Variants in BCLAF3 observed in about 807,000 individuals in gnomAD.
The protein encoded by BCLAF3 is transient octamer binding factor 1.
Under a neutral mutation model 51.2 loss-of-function variants are expected in BCLAF3, and 24 were observed. The observed-to-expected ratio is 0.47, with a 90% CI of 0.34 to 0.66. The LOEUF (loss-of-function observed/expected upper bound fraction) is 0.66. BCLAF3 is among the 30% of genes least tolerant of loss of function. BCLAF3 has a pLI of 0.01. For synonymous variants in BCLAF3, 152 were observed against 176.6 expected (o/e 0.86, Z 1.10); for missense variants, 465 against 525.1 (o/e 0.89, Z 1.12).
intron 11 of BCLAF3, chrX:19,929,081 A>G (rs1451863253): frequency 1.8e-5 from 2 of 111,961 alleles, no homozygotes; most frequent in East Asian, 5.5e-4. Flanking sequence ...TGTTCTCAAT[A>G]CAAAAAAATA....
intron 1 of BCLAF3, among the ~76,000 whole-genome samples, chrX:19,984,564 C>T (rs1319674516): frequency 1.8e-5 from 2 of 111,496 alleles, no homozygotes; most frequent in Non-Finnish European, 3.8e-5. Context: ...AACAATATGT[C>T]TGATTATAAT....
At chrX:19,987,137 T>A (rs1456518300) in intron 1 of BCLAF3, among the ~76,000 whole-genome samples, 1 of 110,728 alleles carries the variant, frequency 9.0e-6, no homozygotes, top group Non-Finnish European at 1.9e-5. Context: ...GAGGGACTAT[T>A]TGCCTGGCAT....
intron 8 of BCLAF3, among the ~76,000 whole-genome samples, chrX:19,939,501 C>T (rs988994518): frequency 4.5e-4 from 50 of 111,769 alleles, no homozygotes; most frequent in Non-Finnish European, 7.5e-5. Flanking sequence ...GGCCAATAAG[C>T]ACATAGAAAG....
intron 4 of BCLAF3, among the ~76,000 whole-genome samples, chrX:19,958,052 C>T (rs1433004939): frequency 8.9e-6 from 1 of 111,752 alleles, no homozygotes; most frequent in Non-Finnish European, 1.9e-5. Flanking sequence ...ATTTGAGATG[C>T]ATTTTAGACA....
intron 11 of BCLAF3, chrX:19,917,996 C>T (rs895900057): frequency 1.0e-3 from 111 of 111,200 alleles, no homozygotes; most frequent in African/African-American, 3.0e-3. Context: ...CAAGTAATAA[C>T]GGAGCAAACA....
chrX:19,938,231 C>T (rs2070850177), intron 8 of BCLAF3, among the ~76,000 whole-genome samples: 1 of 110,555 alleles, frequency 9.0e-6, no homozygotes, highest in South Asian at 3.9e-4. Context: ...CTTCTCAGCC[C>T]CTTCCTGTGT....
chrX:19,951,785 G>A (rs1012816430), intron 7 of BCLAF3, among the ~76,000 whole-genome samples: 9 of 109,303 alleles, frequency 8.2e-5, no homozygotes, highest in Non-Finnish European at 1.5e-4. Flanking sequence ...AAAATTAGCC[G>A]GGCATGGTAG....
chrX:19,926,949 G>A (rs1388523224), intron 11 of BCLAF3, among the ~76,000 whole-genome samples: 3 of 111,534 alleles, frequency 2.7e-5, no homozygotes, highest in Admixed American at 1.9e-4. Flanking sequence ...AGATGCGGCC[G>A]GGTGCGGTGG....
At chrX:19,961,387 A>G (rs1376140728) in intron 4 of BCLAF3, among the ~76,000 whole-genome samples, 3 of 112,350 alleles carry the variant, frequency 2.7e-5, no homozygotes, top group Non-Finnish European at 1.9e-5. Flanking sequence ...GATACAAACT[A>G]GAATCTAAAA....
chrX:19,989,813 A>G (rs1430660249), intron 1 of BCLAF3, among the ~76,000 whole-genome samples: 1 of 111,440 alleles, frequency 9.0e-6, no homozygotes, highest in African/African-American at 3.3e-5. Flanking sequence ...AAATGTGTAT[A>G]AATGGCTAAA....
At chrX:19,928,149 C>T (rs1272560321) in intron 11 of BCLAF3, among the ~76,000 whole-genome samples, 2 of 109,421 alleles carry the variant, frequency 1.8e-5, no homozygotes, top group Admixed American at 2.0e-4. Flanking sequence ...TCCCAAAGTG[C>T]TGGGACTACA....
At position 19,940,289 on chromosome X, in the gene BCLAF3, T is replaced by A. The variant is rs866211826; in HGVS notation, c.1746-2757A>T. The stretch of plus-strand genomic sequence containing the variant: ...ATTTATTTATTTATTTTTTTTTTTT[T>A]ATTATACTTTAAGTTTTAGGGTACA... On this transcript the variant is annotated intron_variant, in intron 8 of 11. Coordinates refer to ENST00000379682, the MANE Select transcript of BCLAF3 (RefSeq NM_001367774.2). Among the ~76,000 whole-genome samples the A allele has an allele frequency of 3.7e-3, 385 of 103,182 alleles. 5 individuals carry two copies. Among genetic ancestry groups the A allele is most frequent in the African/African-American group, 0.014 (375 of 26,729 alleles). The allele number at this position is 103,182 out of a possible 115,157, so 89.6% of individuals were successfully genotyped here.
intron 1 of BCLAF3, among the ~76,000 whole-genome samples, chrX:19,975,252 AAAAG>A (rs1321512205): frequency 5.4e-5 from 6 of 111,413 alleles, no homozygotes; most frequent in African/African-American, 1.3e-4. Flanking sequence ...TAAAAAAAAA[AAAAG>A]AAGAAGAATA....
intron 1 of BCLAF3, among the ~76,000 whole-genome samples, chrX:19,980,269 ATAACT>A (rs2072567515): frequency 8.9e-6 from 1 of 112,260 alleles, no homozygotes; most frequent in African/African-American, 3.2e-5. Context: ...AAAAGAATAA[ATAACT>A]TAAAAGTCCA....
intron 8 of BCLAF3, among the ~76,000 whole-genome samples, chrX:19,947,354 A>G (rs1047884731): frequency 1.8e-5 from 2 of 112,351 alleles, no homozygotes; most frequent in Non-Finnish European, 3.8e-5. Context: ...CCATACCTCT[A>G]TAACAAAACA....
At chrX:19,921,368 G>A (rs2070151716) in intron 11 of BCLAF3, among the ~76,000 whole-genome samples, 1 of 112,143 alleles carries the variant, frequency 8.9e-6, no homozygotes, top group Admixed American at 9.5e-5. Flanking sequence ...GCAGGGAAAG[G>A]ACAAATTTTC....
At chrX:19,982,559 ACACACACACACACACACACACACACG>A (rs970940547) in intron 1 of BCLAF3, among the ~76,000 whole-genome samples, 6 of 100,990 alleles carry the variant, frequency 5.9e-5, no homozygotes, top group South Asian at 8.1e-4. Flanking sequence ...TCACACACAC[ACACACACACACACACACACACACACG>A]CACACACACA....
intron 10 of BCLAF3, among the ~76,000 whole-genome samples, chrX:19,932,320 A>G (rs2070590937): frequency 9.0e-6 from 1 of 111,439 alleles, no homozygotes; most frequent in African/African-American, 3.3e-5. Context: ...TCACATTCCA[A>G]CTACTACATG....
At chrX:19,949,945 A>G (rs2147877032) in intron 8 of BCLAF3, among the ~76,000 whole-genome samples, 1 of 111,595 alleles carries the variant, frequency 9.0e-6, no homozygotes, top group South Asian at 3.8e-4. Context: ...TTCCATCCAC[A>G]TGGTGTTCAG....
Sources: allele counts gnomAD v4.1 joint callset (sites outside exome capture counted in the v4.1 genomes callset), GRCh38; gene constraint gnomAD v4.1.1; transcripts MANE v1.5; gene names NCBI Gene and HGNC (gene_info 2026-07-23, HGNC 2026-07-21).